Variants in KHDRBS2 observed in about 807,000 individuals in gnomAD.
KHDRBS2 encodes the protein KH RNA binding domain containing, signal transduction associated 2, also known as KH domain-containing, RNA-binding, signal transduction-associated protein 2.
Under a neutral mutation model 44.3 loss-of-function variants are expected in KHDRBS2, and 26 were observed. That is an observed-to-expected ratio of 0.59 (90% CI 0.43 to 0.81). The LOEUF is 0.81. Ranked by LOEUF, KHDRBS2 falls within the 40% of genes least tolerant of loss-of-function variation. The probability of loss-of-function intolerance (pLI) is 0.00; values close to 1 mark genes in which losing one functional copy is unlikely to be tolerated. For missense variants in KHDRBS2, 476 were observed against 433.1 expected (o/e 1.10, Z -0.88); for synonymous variants, 194 against 151.1 (o/e 1.28, Z -2.08).
the KHDRBS2 span, among the ~76,000 whole-genome samples, chr6:61,645,319 G>A: frequency 1.3e-5 from 2 of 152,002 alleles, no homozygotes; most frequent in African/African-American, 4.8e-5. Context: ...ATCAGAGGGT[G>A]GGGGTTGGGA....
intron 6 of KHDRBS2, among the ~76,000 whole-genome samples, chr6:61,753,588 A>C (rs1476102239): frequency 6.6e-6 from 1 of 152,086 alleles, no homozygotes; most frequent in Admixed American, 6.6e-5. Context: ...GTAGTGTTCG[A>C]ATTTTTATTT....
chr6:61,699,042 C>T (rs1768253181), intron 7 of KHDRBS2, among the ~76,000 whole-genome samples: 1 of 152,050 alleles, frequency 6.6e-6, no homozygotes, highest in Non-Finnish European at 1.5e-5. Flanking sequence ...GGCTGTTCCC[C>T]TCTTCTAGAA....
chr6:62,244,335 A>T (rs1331514766), intron 1 of KHDRBS2, among the ~76,000 whole-genome samples: 1 of 152,152 alleles, frequency 6.6e-6, no homozygotes, highest in Admixed American at 6.6e-5. Context: ...CTGTTTTTAA[A>T]TGACTCTTCC....
At chr6:61,966,307 C>A (rs1201100251) in intron 4 of KHDRBS2, among the ~76,000 whole-genome samples, 1 of 151,966 alleles carries the variant, frequency 6.6e-6, no homozygotes, top group South Asian at 2.1e-4. Context: ...ATGATCTGTA[C>A]TTTTCAATAT....
At chr6:61,810,230 G>T (rs1358671201) in intron 6 of KHDRBS2, among the ~76,000 whole-genome samples, 2 of 152,120 alleles carry the variant, frequency 1.3e-5, no homozygotes, top group Non-Finnish European at 2.9e-5. Context: ...GCGAGGTCAG[G>T]TTACTAACTA....
chr6:61,631,011 T>C, the KHDRBS2 span, among the ~76,000 whole-genome samples: 1 of 152,092 alleles, frequency 6.6e-6, no homozygotes, highest in Non-Finnish European at 1.5e-5. Flanking sequence ...CTTTGAAGAA[T>C]ACCTGATCTT....
intron 3 of KHDRBS2, among the ~76,000 whole-genome samples, chr6:61,979,817 C>T (rs1709080000): frequency 6.6e-6 from 1 of 152,038 alleles, no homozygotes; most frequent in Non-Finnish European, 1.5e-5. Context: ...GTGCAAGCTG[C>T]TTGTTTATTC....
chr6:61,877,741 C>T (rs531076783), intron 6 of KHDRBS2, among the ~76,000 whole-genome samples: 4 of 151,940 alleles, frequency 2.6e-5, no homozygotes, highest in Non-Finnish European at 4.4e-5. Flanking sequence ...TTTAAAACAT[C>T]TCTTTAGAAA....
intron 6 of KHDRBS2, among the ~76,000 whole-genome samples, chr6:61,757,121 G>GA (rs1778606968): frequency 6.6e-6 from 1 of 152,040 alleles, no homozygotes; most frequent in Non-Finnish European, 1.5e-5. Context: ...AAGTCAACTT[G>GA]AAAAAATATG....
the KHDRBS2 span, among the ~76,000 whole-genome samples, chr6:61,651,662 G>A: frequency 4.4e-3 from 664 of 152,152 alleles, 5 homozygotes; most frequent in African/African-American, 0.014. Context: ...AGAAAATTGT[G>A]GAACCAGGAC....
At chr6:61,940,552 A>G in intron 4 of KHDRBS2, among the ~76,000 whole-genome samples, 1 of 152,148 alleles carries the variant, frequency 6.6e-6, no homozygotes. Context: ...TTGGCCTCTC[A>G]AAGTGCTTAA....
At chr6:61,554,945 T>TTA in the KHDRBS2 span, among the ~76,000 whole-genome samples, 1 of 152,178 alleles carries the variant, frequency 6.6e-6, no homozygotes, top group African/African-American at 2.4e-5. Context: ...TTAACATTTT[T>TTA]TATTTCATTT....
At chr6:61,599,904 A>G in the KHDRBS2 span, among the ~76,000 whole-genome samples, 13 of 152,340 alleles carry the variant, frequency 8.5e-5, no homozygotes, top group East Asian at 7.7e-4. Flanking sequence ...TCAGGAATGT[A>G]GAACAAGATG....
chr6:61,980,881 T>C (rs548079737), intron 3 of KHDRBS2, among the ~76,000 whole-genome samples: 2 of 152,314 alleles, frequency 1.3e-5, no homozygotes, highest in East Asian at 3.9e-4. Context: ...CAAACTGTCT[T>C]TGTGTACTAC....
chr6:61,628,139 C>A, the KHDRBS2 span, among the ~76,000 whole-genome samples: 2 of 150,002 alleles, frequency 1.3e-5, no homozygotes, highest in African/African-American at 4.9e-5. Flanking sequence ...GTCAGCCATG[C>A]AGTCTAATTT....
chr6:61,961,977 G>GAT (rs3076263), intron 4 of KHDRBS2, among the ~76,000 whole-genome samples: 104,689 of 150,614 alleles, frequency 0.7, 36,335 homozygotes, highest in South Asian at 0.72. Context: ...TTTATGTGGA[G>GAT]ATATATATAT....
At chr6:61,547,435 A>T in the KHDRBS2 span, among the ~76,000 whole-genome samples, 3 of 152,090 alleles carry the variant, frequency 2.0e-5, no homozygotes, top group African/African-American at 7.2e-5. Flanking sequence ...GAAAACAAAC[A>T]TTTCCATACT....
At chr6:62,242,352 T>C (rs1318806161) in intron 1 of KHDRBS2, among the ~76,000 whole-genome samples, 1 of 152,172 alleles carries the variant, frequency 6.6e-6, no homozygotes, top group Non-Finnish European at 1.5e-5. Context: ...AAAAGATACA[T>C]TTTTGAGCAA....
At chr6:62,150,861 G>T (rs1815009423) in intron 2 of KHDRBS2, among the ~76,000 whole-genome samples, 1 of 152,150 alleles carries the variant, frequency 6.6e-6, no homozygotes, top group African/African-American at 2.4e-5. Flanking sequence ...TTATACTTCT[G>T]TAAGCAACTG....
Sources: gnomAD v4.1 joint callset for allele counts (sites outside exome capture counted in the v4.1 genomes callset) on GRCh38, gnomAD v4.1.1 for gene constraint, MANE v1.5 for transcripts, NCBI Gene and HGNC (gene_info 2026-07-23, HGNC 2026-07-21) for gene names.